Variants in C1orf105 observed in about 807,000 individuals in gnomAD.
The protein encoded by C1orf105 is uncharacterized protein C1orf105.
In C1orf105, 17 loss-of-function variants were observed where a neutral mutation model predicts 20.8. The ratio of observed to expected loss-of-function variants is 0.82; its 90% CI spans 0.56 to 1.23. The LOEUF (loss-of-function observed/expected upper bound fraction) is 1.23. Ranked by LOEUF, C1orf105 falls within the 50% of genes most tolerant of loss-of-function variation. C1orf105 has a pLI of 0.00. For synonymous variants in C1orf105, 72 were observed against 72.1 expected (o/e 1.00, Z 0.01); for missense variants, 219 against 213.5 (o/e 1.03, Z -0.16).
At chr1:172,433,659 G>A (rs1245488293) in intron 1 of C1orf105, among the ~76,000 whole-genome samples, 1 of 152,216 alleles carries the variant, frequency 6.6e-6, no homozygotes, top group Non-Finnish European at 1.5e-5. Flanking sequence ...ATGCCAAATT[G>A]TAAAGACTAT....
rs551857910 is a variant in C1orf105 at position 172,447,112 on chromosome 1, G to A, written c.108-1329G>A. The stretch of plus-strand genomic sequence containing the variant: ...TTAAGGATTAAAAGCTCCTCATGTG[G>A]GCCAAAGCTCCGGGTTCCAAGCTGT... On this transcript the variant is annotated intron_variant, in intron 2 of 6. Coordinates refer to ENST00000367727, the MANE Select transcript of C1orf105 (RefSeq NM_139240.4). 6.6e-5 allele frequency among the ~76,000 whole-genome samples: 10 copies of A among 152,264 alleles called. No homozygotes were observed. In the South Asian group the frequency reaches 2.1e-3, roughly 32 times the overall value.
intron 2 of C1orf105, among the ~76,000 whole-genome samples, 170 bp from the exon 3 acceptor site, chr1:172,448,271 T>C (rs984703211): frequency 6.6e-6 from 1 of 152,122 alleles, no homozygotes; most frequent in Admixed American, 6.5e-5. Flanking sequence ...CAAAGTGACA[T>C]AGGAGGGCAA....
chr1:172,427,633 T>C (rs1031860650), intron 1 of C1orf105, among the ~76,000 whole-genome samples: 1 of 152,214 alleles, frequency 6.6e-6, no homozygotes, highest in African/African-American at 2.4e-5. Context: ...CTGTCTTACT[T>C]GCTTTATCAT....
chr1:172,428,509 ATTC>A (rs1255334810), intron 1 of C1orf105, among the ~76,000 whole-genome samples: 1 of 152,118 alleles, frequency 6.6e-6, no homozygotes, highest in Non-Finnish European at 1.5e-5. Context: ...CATGCCAGGT[ATTC>A]TTCTGCCCAA....
At chr1:172,452,296 A>G (rs1040100719) in intron 3 of C1orf105, among the ~76,000 whole-genome samples, 3 of 152,238 alleles carry the variant, frequency 2.0e-5, no homozygotes, top group African/African-American at 7.2e-5. Flanking sequence ...TTTCTGGGTC[A>G]CAGCTTTCTC....
At chr1:172,438,277 G>T (rs919653285) in intron 1 of C1orf105, among the ~76,000 whole-genome samples, 1 of 152,220 alleles carries the variant, frequency 6.6e-6, no homozygotes, top group Admixed American at 6.5e-5. Flanking sequence ...GGCTATAGCT[G>T]CCATAGATAG....
intron 6 of C1orf105, among the ~76,000 whole-genome samples, chr1:172,467,435 A>T (rs1422072441): frequency 6.6e-6 from 1 of 152,224 alleles, no homozygotes; most frequent in Non-Finnish European, 1.5e-5. Context: ...AGATTCCTTC[A>T]TGAATCTTTG....
In C1orf105 at chr1:172,439,769, A is replaced by G. The variant is rs539098305; in HGVS notation, c.22-5304A>G. On this transcript the variant is annotated intron_variant, in intron 1 of 6. Transcript: ENST00000367727. ...AAATAATACAAATGTATTAATACAT[A>G]TAAACAAAAACTACAATTTCATAGA... Among the ~76,000 whole-genome samples, 24 of 152,348 alleles carry G rather than the reference A, an allele frequency of 1.6e-4. No homozygotes were observed. The South Asian group carries it at 5.0e-3, about 32-fold the overall frequency.
chr1:172,439,860 GAGGCA>G (rs746227047), intron 1 of C1orf105, among the ~76,000 whole-genome samples: 2,385 of 152,288 alleles, frequency 0.016, 24 homozygotes, highest in Middle Eastern at 0.027. Context: ...GAATAATTAT[GAGGCA>G]TGCCTCTATT....
intron 2 of C1orf105, among the ~76,000 whole-genome samples, chr1:172,446,154 C>G (rs1647978292): frequency 6.6e-6 from 1 of 152,134 alleles, no homozygotes; most frequent in African/African-American, 2.4e-5. Context: ...CAAGTGCTTT[C>G]AAGTGCTCGT....
At chr1:172,427,775 T>G (rs1381733766) in intron 1 of C1orf105, among the ~76,000 whole-genome samples, 2 of 152,230 alleles carry the variant, frequency 1.3e-5, no homozygotes, top group Non-Finnish European at 2.9e-5. Context: ...TTGCTTCTTC[T>G]TCGCCTCAAC....
chr1:172,434,027 G>T (rs926061272), intron 1 of C1orf105, among the ~76,000 whole-genome samples: 1 of 152,098 alleles, frequency 6.6e-6, no homozygotes, highest in Non-Finnish European at 1.5e-5. Flanking sequence ...ATAATGGTAA[G>T]GGGATCAATT....
intron 1 of C1orf105, chr1:172,428,962 G>T: frequency 1.8e-6 from 1 of 561,056 alleles, no homozygotes; most frequent in South Asian, 2.3e-5. Flanking sequence ...GGGGGATACT[G>T]TTGGATACTG....
At chr1:172,429,077 A>C (rs1209190893) in intron 1 of C1orf105, among the ~76,000 whole-genome samples, 1 of 152,252 alleles carries the variant, frequency 6.6e-6, no homozygotes, top group East Asian at 1.9e-4. Context: ...AGGCACAAGC[A>C]CAGGCTTTGT....
At chr1:172,463,244 C>A (rs1043168046) in intron 5 of C1orf105, among the ~76,000 whole-genome samples, 1 of 152,244 alleles carries the variant, frequency 6.6e-6, no homozygotes, top group African/African-American at 2.4e-5. Flanking sequence ...ATACACTCAC[C>A]TTTACATATG....
intron 6 of C1orf105, among the ~76,000 whole-genome samples, 186 bp from the exon 7 acceptor site, chr1:172,468,263 G>T (rs1650202164): frequency 6.6e-6 from 1 of 152,172 alleles, no homozygotes. Context: ...ATTCTTAGGT[G>T]AGTTTTTTGT....
chr1:172,467,639 C>A (rs1184262599), intron 6 of C1orf105, among the ~76,000 whole-genome samples: 1 of 152,090 alleles, frequency 6.6e-6, no homozygotes, highest in Non-Finnish European at 1.5e-5. Context: ...GACTGCTGTT[C>A]CCTCTTAATT....
At chr1:172,444,711 T>C (rs765409980) in intron 1 of C1orf105, among the ~76,000 whole-genome samples, 2 of 152,144 alleles carry the variant, frequency 1.3e-5, no homozygotes, top group Non-Finnish European at 2.9e-5. Flanking sequence ...GAGGACAAGA[T>C]TGCTAATTAA....
intron 6 of C1orf105, among the ~76,000 whole-genome samples, chr1:172,466,934 G>C (rs1050205958): frequency 1.3e-5 from 2 of 152,138 alleles, no homozygotes; most frequent in Non-Finnish European, 1.5e-5. Context: ...AGCTGACTCT[G>C]CTCTTGTATG....
Sources: gnomAD v4.1 joint callset for allele counts (sites outside exome capture counted in the v4.1 genomes callset) on GRCh38, gnomAD v4.1.1 for gene constraint, MANE v1.5 for transcripts, NCBI Gene and HGNC (gene_info 2026-07-23, HGNC 2026-07-21) for gene names.